DGKK: variants seen among roughly 807,000 people sequenced by gnomAD.
The protein encoded by DGKK is 142 kDa diacylglycerol kinase.
Under a neutral mutation model 92.2 loss-of-function variants are expected in DGKK, and 35 were observed. That is an observed-to-expected ratio of 0.38 (90% CI 0.29 to 0.50). The LOEUF (loss-of-function observed/expected upper bound fraction) is 0.50, where lower values mean the gene tolerates loss of function less well. Among genes scored for constraint, DGKK ranks in the 20% least tolerant of loss-of-function variants. The probability of loss-of-function intolerance (pLI) is 0.92; values close to 1 mark genes in which losing one functional copy is unlikely to be tolerated. For synonymous variants in DGKK, 368 were observed against 360.6 expected, an observed-to-expected ratio of 1.02 and a Z score of -0.23; for missense variants, 910 against 992.2, an observed-to-expected ratio of 0.92 and a Z score of 1.11.
At chrX:50,377,335 G>A (rs150963686) in intron 22 of DGKK, among the ~76,000 whole-genome samples, 37 of 112,181 alleles carry the variant, frequency 3.3e-4, no homozygotes, top group Middle Eastern at 9.2e-3. Flanking sequence ...ATTTTGAATC[G>A]TGTTTCTGTC....
intron 26 of DGKK, among the ~76,000 whole-genome samples, chrX:50,371,319 A>C (rs1286459068): frequency 1.8e-5 from 2 of 112,198 alleles, no homozygotes; most frequent in Non-Finnish European, 3.8e-5. Context: ...TAGAACAGGT[A>C]TTGGCTGTAA....
chrX:50,442,529 G>T (rs1253613308), intron 1 of DGKK, among the ~76,000 whole-genome samples: 1 of 111,035 alleles, frequency 9.0e-6, no homozygotes, highest in Non-Finnish European at 1.9e-5. Flanking sequence ...TGCTCTTTTT[G>T]ACCTCTCTCC....
At chrX:50,404,019 C>T in intron 5 of DGKK, 30 bp downstream of exon 5, 3 of 1,203,694 alleles carry the variant, frequency 2.5e-6, no homozygotes, top group Non-Finnish European at 3.4e-6. Context: ...ACCCACTGAG[C>T]TTCACTTCCT....
intron 1 of DGKK, among the ~76,000 whole-genome samples, chrX:50,425,561 G>A (rs1161899729): frequency 8.9e-5 from 9 of 100,868 alleles, no homozygotes; most frequent in Admixed American, 3.1e-4. Flanking sequence ...ACACACACAC[G>A]TACTCATACA....
At chrX:50,379,538 T>C in intron 20 of DGKK, 89 bp downstream of exon 20, 2 of 776,746 alleles carry the variant, frequency 2.6e-6, no homozygotes, top group Admixed American at 4.7e-5. Flanking sequence ...CATTGTCTAT[T>C]TTTCACTTCA....
chrX:50,376,934 G>A lies in DGKK; in HGVS notation c.3112-16C>T, dbSNP rs782788918. 2 of 1,176,633 alleles carry A rather than the reference G, an allele frequency of 1.7e-6. No individual in the cohort carries two copies. The highest frequency in any genetic ancestry group is 1.8e-5 in the African/African-American group (1 of 56,759). The stretch of plus-strand genomic sequence containing the variant: ...TCTCAAAGTCCTGGAGATGAATACA[G>A]TGGCATATCCTAATGATTGCTGTAG... On this transcript the variant is annotated splice_polypyrimidine_tract_variant and intron_variant, in intron 22 of 27. Transcript: ENST00000611977.
At chrX:50,417,831 G>A (rs1557228718) in intron 4 of DGKK, among the ~76,000 whole-genome samples, 2 of 110,490 alleles carry the variant, frequency 1.8e-5, no homozygotes, top group Non-Finnish European at 3.8e-5. Flanking sequence ...TCCATCCTGA[G>A]GCTTTACTTT....
chrX:50,380,052 A>C lies in DGKK; in HGVS notation c.2683T>G (p.Tyr895Asp). 8.3e-7 allele frequency: 1 copy of C among 1,211,421 alleles called. No homozygotes were observed. The highest frequency in any genetic ancestry group is 1.1e-6 in the Non-Finnish European group (1 of 895,038). ...AGTTCTTTGGTTCCCAGAAGGCCAT[A>C]CCACATCTTGTTCTTAAGGCGGCTA... Reference protein sequence around the residue: ...YNSRLKNKMWYGLLGTKELLQ... With the variant: ...YNSRLKNKMWDGLLGTKELLQ... Residue 895 changes from tyrosine to aspartate, a missense_variant, in exon 19 of 28, where the codon TAT becomes GAT. Transcript: ENST00000611977.
rs1342367723 is a variant in DGKK at position 50,376,744 on chromosome X, G to C, written c.3272+14C>G. 2 of 1,174,238 alleles carry C rather than the reference G, an allele frequency of 1.7e-6. No individual in the cohort carries two copies. Among genetic ancestry groups the C allele is most frequent in the Non-Finnish European group, 2.3e-6 (2 of 875,463 alleles). ...TTAGGATTCTCAGCCCTGTATCTAG[G>C]CCAGTCCACTTACTTGCTGATGAGG... On this transcript the variant is annotated intron_variant, in intron 23 of 27. Transcript: ENST00000611977.
intron 25 of DGKK, 113 bp from the exon 26 acceptor site, chrX:50,371,947 C>T (rs1924143353): frequency 6.5e-6 from 3 of 460,573 alleles, no homozygotes; most frequent in African/African-American, 2.4e-5. Context: ...AAGGTGCCAA[C>T]TTGTATCCCT....
At position 50,376,878 on chromosome X, in the gene DGKK, G is replaced by T. The variant is rs1557223910; in HGVS notation, c.3152C>A (p.Thr1051Asn). Residue 1051 changes from threonine to asparagine, a missense_variant, in exon 23 of 28, where the codon ACT becomes AAT. Coordinates refer to ENST00000611977, the MANE Select transcript of DGKK (RefSeq NM_001013742.4). ...GGGTTGAGGGGCAGCTTGAATTTCAGTATGCTTGTATTCCCACATTTTCAT... is the reference window on the plus strand; with the variant it reads ...GGGTTGAGGGGCAGCTTGAATTTCATTATGCTTGTATTCCCACATTTTCAT... ...NSMKMWEYKH[T>N]EIQAAPQPQL... 3 of 1,205,518 alleles carry T rather than the reference G, an allele frequency of 2.5e-6. No homozygotes were observed. The South Asian group carries it at 5.4e-5, about 22-fold the overall frequency.
chrX:50,424,488 G>C (rs1925684180), intron 1 of DGKK, 130 bp from the exon 2 acceptor site: 1 of 536,579 alleles, frequency 1.9e-6, no homozygotes, highest in African/African-American at 2.3e-5. Flanking sequence ...TGGCCTGAAG[G>C]CCAGGTGAGA....
At chrX:50,426,454 G>A (rs1048381088) in intron 1 of DGKK, among the ~76,000 whole-genome samples, 1 of 111,904 alleles carries the variant, frequency 8.9e-6, no homozygotes, top group Admixed American at 9.5e-5. Context: ...GCTCTTTAAT[G>A]ATATTACTAT....
chrX:50,447,369 T>TAATATATATATATTA (rs1557232044), intron 1 of DGKK, among the ~76,000 whole-genome samples: 2 of 11,630 alleles, frequency 1.7e-4, no homozygotes, highest in African/African-American at 1.2e-3. Context: ...TATATATATA[T>TAATATATATATATTA]TATATATATA....
chrX:50,372,412 TG>T (rs1386452941), intron 25 of DGKK, among the ~76,000 whole-genome samples: 1 of 111,872 alleles, frequency 8.9e-6, no homozygotes, highest in African/African-American at 3.3e-5. Flanking sequence ...CAAAGACATG[TG>T]GGGAGGCCAG....
At position 50,470,135 on chromosome X, in the gene DGKK, A is replaced by G. The variant is rs1557234361; in HGVS notation, c.544T>C (p.Leu182=). 6 of 1,212,096 alleles carry G rather than the reference A, an allele frequency of 5.0e-6. No individual in the cohort carries two copies. The highest frequency in any genetic ancestry group is 3.4e-6 in the Non-Finnish European group (3 of 895,497). ...TCTCGAGTGTCCACCGGACATTGCA[A>G]TAGACATGGTGCTGGACTTGGACGG... is the stretch of plus-strand genomic sequence containing the variant. ...EFRPSPAPCL[L]QCPVDTRERG... is the part of the protein sequence containing the mutation. The change falls in exon 1 of 28, where the codon TTG becomes CTG. Residue 182 remains leucine (L), a synonymous_variant. Transcript: ENST00000611977.
intron 1 of DGKK, among the ~76,000 whole-genome samples, chrX:50,451,757 T>C: frequency 9.0e-6 from 1 of 111,683 alleles, no homozygotes; most frequent in East Asian, 2.8e-4. Flanking sequence ...TCAGAAATAC[T>C]TGTTGAATTG....
chrX:50,413,364 T>C lies in DGKK; in HGVS notation c.942+7039A>G, dbSNP rs139073064. Among the ~76,000 whole-genome samples, 861 of 111,964 alleles carry C rather than the reference T, an allele frequency of 7.7e-3. 7 individuals carry two copies. Among genetic ancestry groups the C allele is most frequent in the African/African-American group, 0.027 (834 of 30,801 alleles). ...AAATGCAAAACTGGACAAATGAGATTACATCAAACTAAAAATCTTCTATAC... is the reference window on the plus strand; with the variant it reads ...AAATGCAAAACTGGACAAATGAGATCACATCAAACTAAAAATCTTCTATAC... On this transcript the variant is annotated intron_variant, in intron 4 of 27. Coordinates refer to ENST00000611977, the MANE Select transcript of DGKK (RefSeq NM_001013742.4).
Position 50,376,126 on chromosome X carries a change from GACAGAC to G in DGKK, c.3306_3311del (p.Ser1103_Val1104del), listed in dbSNP as rs1557223812. 8.3e-7 allele frequency: 1 copy of G among 1,209,590 alleles called. No homozygotes were observed. Among genetic ancestry groups the G allele is most frequent in the African/African-American group, 1.7e-5 (1 of 57,210 alleles). ...CGCTGGCATTCACAGAACCCATGAG[GACAGAC>G]ACATGCTGGTGGATCTTGCTCAGGT... On this transcript the variant is annotated inframe_deletion, in exon 24 of 28. Coordinates refer to ENST00000611977, the MANE Select transcript of DGKK (RefSeq NM_001013742.4).
Sources: allele counts gnomAD v4.1 joint callset (sites outside exome capture counted in the v4.1 genomes callset), GRCh38; gene constraint gnomAD v4.1.1; transcripts MANE v1.5; gene names NCBI Gene and HGNC (gene_info 2026-07-23, HGNC 2026-07-21).